TTLL9: variants seen among roughly 807,000 people sequenced by gnomAD.
The protein encoded by TTLL9 is tubulin tyrosine ligase like 9, also known as probable tubulin polyglutamylase TTLL9.
Under a neutral mutation model 65.6 loss-of-function variants are expected in TTLL9, and 47 were observed. The observed-to-expected ratio is 0.72, with a 90% confidence interval of 0.57 to 0.91. The LOEUF is 0.91. TTLL9 is among the 40% of genes least tolerant of loss of function. The probability of loss-of-function intolerance (pLI) is 0.00; values close to 1 mark genes in which losing one functional copy is unlikely to be tolerated. For missense variants in TTLL9, 537 were observed against 568.8 expected (o/e 0.94, Z 0.57); for synonymous variants, 179 against 204.8 (o/e 0.87, Z 1.07).
At chr20:31,878,281 G>T (rs1053447324) in intron 2 of TTLL9, among the ~76,000 whole-genome samples, 1 of 152,216 alleles carries the variant, frequency 6.6e-6, no homozygotes, top group African/African-American at 2.4e-5. Context: ...AGTTCTGATG[G>T]ACATCTATTT....
At chr20:31,894,145 A>C (rs965370448) in intron 3 of TTLL9, among the ~76,000 whole-genome samples, 1 of 127,824 alleles carries the variant, frequency 7.8e-6, no homozygotes, top group Non-Finnish European at 1.6e-5. Context: ...GCTCTGTCAC[A>C]CAGGCTGGAG....
chr20:31,933,959 G>A, intron 11 of TTLL9, 101 bp downstream of exon 11: 2 of 1,296,722 alleles, frequency 1.5e-6, no homozygotes, highest in Non-Finnish European at 2.1e-6. Flanking sequence ...GCCTGTCTGA[G>A]CCTGTGTTCA....
intron 6 of TTLL9, among the ~76,000 whole-genome samples, chr20:31,918,662 A>G (rs575326097): frequency 1.3e-5 from 2 of 152,256 alleles, no homozygotes; most frequent in African/African-American, 2.4e-5. Flanking sequence ...GGGATTACAG[A>G]TGTGAGTCAC....
rs917434004 is a variant in TTLL9 at position 31,918,603 on chromosome 20, C to T, written c.505-1261C>T. On this transcript the variant is annotated intron_variant, in intron 6 of 14. Transcript: ENST00000535842. ...CTTTCTACGTTGCCTAGACTTGTCT[C>T]GAACTCCTGAGCTTAAATAATCCTC... 7.2e-5 allele frequency among the ~76,000 whole-genome samples: 11 copies of T among 152,154 alleles called. No homozygotes were observed. In the East Asian group the frequency reaches 9.6e-4, roughly 13 times the overall value.
intron 2 of TTLL9, 29 bp from the exon 3 acceptor site, chr20:31,887,167 G>A: frequency 6.2e-7 from 1 of 1,613,582 alleles, no homozygotes; most frequent in Non-Finnish European, 8.5e-7. Flanking sequence ...TACAAAACCA[G>A]TTACATCCTT....
chr20:31,895,319 T>A (rs2063367067), intron 3 of TTLL9, among the ~76,000 whole-genome samples: 1 of 152,142 alleles, frequency 6.6e-6, no homozygotes, highest in Non-Finnish European at 1.5e-5. Flanking sequence ...GTCTCGGAGT[T>A]CTTGTTAGGC....
rs1258908017 is a variant in TTLL9, at chr20:31,871,197, T to A, written c.69+2T>A. ...ATTAGGTGCCCCAAGAAATTACAGGTGAATGTTGGGAGAGGGGTTTGAGGG... is the reference window on the plus strand; with the variant it reads ...ATTAGGTGCCCCAAGAAATTACAGGAGAATGTTGGGAGAGGGGTTTGAGGG... On this transcript the variant is annotated splice_donor_variant, in intron 2 of 14. Coordinates refer to ENST00000535842, the MANE Select transcript of TTLL9 (RefSeq NM_001008409.5). LOFTEE classifies it high-confidence loss of function. 6.2e-7 allele frequency: 1 copy of A among 1,613,418 alleles called. No individual in the cohort carries two copies. Among genetic ancestry groups the A allele is most frequent in the Non-Finnish European group, 8.5e-7 (1 of 1,179,816 alleles).
intron 7 of TTLL9, among the ~76,000 whole-genome samples, chr20:31,921,168 TA>T (rs1408188142): frequency 1.3e-5 from 2 of 152,216 alleles, no homozygotes; most frequent in Non-Finnish European, 2.9e-5. Flanking sequence ...GGACTGGATT[TA>T]TAATTTCATA....
chr20:31,939,855 A>C (rs931097923), intron 14 of TTLL9: 2 of 152,246 alleles, frequency 1.3e-5, no homozygotes, highest in Admixed American at 6.5e-5. Context: ...GCCAGGACTC[A>C]AACTCCCATC....
intron 5 of TTLL9, 74 bp from the exon 6 acceptor site, chr20:31,909,663 T>G (rs1600574339): frequency 7.0e-7 from 1 of 1,428,238 alleles, no homozygotes. Flanking sequence ...GGGTGGCTGG[T>G]GGATGTGTGG....
rs544627200 is a variant in TTLL9 at position 31,870,918 on chromosome 20, C to T, written c.-37C>T. 103 of 601,504 alleles carry T rather than the reference C, an allele frequency of 1.7e-4. No individual in the cohort carries two copies. Among genetic ancestry groups the T allele is most frequent in the African/African-American group, 1.6e-3 (86 of 54,074 alleles). 37.3% of individuals were successfully genotyped at this position (601,504 alleles called of 1,614,324 possible). On this transcript the variant is annotated 5_prime_UTR_variant, in exon 1 of 15. Coordinates refer to ENST00000535842, the MANE Select transcript of TTLL9 (RefSeq NM_001008409.5). The surrounding 1 kb of genome is among the most constrained non-coding windows in gnomAD (Gnocchi z 6.6). ...CTGGACTTTGATCGCCGAGGGCTCT[C>T]TGCTCTTCAGAGTCTGCTTGGAACG...
chr20:31,939,425 G>A (rs369127196), intron 14 of TTLL9, 159 bp downstream of exon 14: 44 of 753,606 alleles, frequency 5.8e-5, no homozygotes, highest in East Asian at 1.0e-4. Context: ...TCTGTTCCTC[G>A]TTTTTAAACT....
rs1158637292 is a variant in TTLL9, at chr20:31,943,228, ACAGC to A, written c.*210_*213del. ...TCCCCAGGCATCTTTGCACCAGGAG[ACAGC>A]CAATCACTGGGACTGGGGGAGGTTT... On this transcript the variant is annotated 3_prime_UTR_variant, in exon 15 of 15. Transcript: ENST00000535842. 3 of 601,520 alleles carry A rather than the reference ACAGC, an allele frequency of 5.0e-6. No homozygotes were observed. In the African/African-American group the frequency reaches 5.5e-5, roughly 11 times the overall value. The allele number at this position is 601,520 out of a possible 1,614,324, so 37.3% of individuals were successfully genotyped here.
At chr20:31,919,534 A>C (rs1455412276) in intron 6 of TTLL9, among the ~76,000 whole-genome samples, 1 of 152,194 alleles carries the variant, frequency 6.6e-6, no homozygotes, top group Admixed American at 6.5e-5. Flanking sequence ...CTAATTAGGA[A>C]GGCAAATTGA....
intron 10 of TTLL9, among the ~76,000 whole-genome samples, chr20:31,927,480 CAAAAAAAAAAAA>C (rs777895091): frequency 1.8e-5 from 1 of 54,196 alleles, no homozygotes; most frequent in African/African-American, 7.7e-5. Flanking sequence ...GACTCTGTCT[CAAAAAAAAAAAA>C]AAAAAAAAAA....
intron 2 of TTLL9, among the ~76,000 whole-genome samples, chr20:31,874,886 A>G (rs1568725571): frequency 6.6e-6 from 1 of 152,200 alleles, no homozygotes; most frequent in East Asian, 1.9e-4. Context: ...GGGGGCCCAC[A>G]GCCAAGGGAT....
intron 8 of TTLL9, among the ~76,000 whole-genome samples, chr20:31,923,746 C>G (rs1031471420): frequency 6.6e-6 from 1 of 152,128 alleles, no homozygotes; most frequent in Admixed American, 6.5e-5. Context: ...ATTGCAATAG[C>G]GTTAATGCCA....
At chr20:31,925,882 C>T (rs765649891) in intron 9 of TTLL9, 167 bp from the exon 10 acceptor site, 20 of 1,551,646 alleles carry the variant, frequency 1.3e-5, no homozygotes, top group South Asian at 1.1e-4. Context: ...GTACATCCCG[C>T]TGCGGGCCTG....
At chr20:31,921,782 T>C (rs1175806811) in intron 7 of TTLL9, among the ~76,000 whole-genome samples, 1 of 151,858 alleles carries the variant, frequency 6.6e-6, no homozygotes, top group African/African-American at 2.4e-5. Flanking sequence ...ATGAGAACAC[T>C]TGGACACAGG....
Sources: gnomAD v4.1 joint callset for allele counts (sites outside exome capture counted in the v4.1 genomes callset) on GRCh38, gnomAD v4.1.1 for gene constraint, Gnocchi (gnomAD v3.1) non-coding constraint, MANE v1.5 for transcripts, NCBI Gene and HGNC (gene_info 2026-07-23, HGNC 2026-07-21) for gene names.